Variants in ADAMTS2 observed in about 807,000 individuals in gnomAD.
ADAMTS2 encodes the protein ADAM metallopeptidase with thrombospondin type 1 motif 2.
A neutral mutation model predicts 123.0 loss-of-function variants in ADAMTS2; 50 were observed. That is an observed-to-expected ratio of 0.41 (90% confidence interval 0.32 to 0.51). ADAMTS2 has a LOEUF of 0.51. Among genes scored for constraint, ADAMTS2 ranks in the 20% least tolerant of loss-of-function variants. The pLI is 0.35. For missense variants in ADAMTS2, 1,494 were observed against 1,705.2 expected (o/e 0.88, Z 2.18); for synonymous variants, 678 against 695.4 (o/e 0.98, Z 0.39).
intron 2 of ADAMTS2, among the ~76,000 whole-genome samples, chr5:179,333,731 C>T (rs1757538771): frequency 6.6e-6 from 1 of 151,216 alleles, no homozygotes. Context: ...TCCCAAGTAG[C>T]TGGGACTACA....
intron 2 of ADAMTS2, 37 bp downstream of exon 2, chr5:179,343,730 C>T: frequency 1.3e-6 from 2 of 1,599,478 alleles, no homozygotes; most frequent in Non-Finnish European, 1.7e-6. Flanking sequence ...CAGGCGAGAG[C>T]AGCGGAGAGA....
At chr5:179,160,822 G>A (rs1400309886) in intron 5 of ADAMTS2, among the ~76,000 whole-genome samples, 1 of 152,210 alleles carries the variant, frequency 6.6e-6, no homozygotes, top group Non-Finnish European at 1.5e-5. Context: ...ACCAGGAAGA[G>A]CATGTGACTA....
intron 9 of ADAMTS2, 123 bp downstream of exon 9, chr5:179,153,368 C>A: frequency 6.8e-7 from 1 of 1,469,644 alleles, no homozygotes; most frequent in Non-Finnish European, 9.2e-7. Context: ...GGCTGCCACT[C>A]TGGAGGGCCG....
At chr5:179,261,672 G>A (rs905957832) in intron 3 of ADAMTS2, among the ~76,000 whole-genome samples, 2 of 152,322 alleles carry the variant, frequency 1.3e-5, no homozygotes, top group Admixed American at 6.5e-5. Context: ...AGCTGGTAGC[G>A]CTGCCTGCGG....
At chr5:179,295,843 CT>C (rs1377719882) in intron 2 of ADAMTS2, among the ~76,000 whole-genome samples, 3 of 152,334 alleles carry the variant, frequency 2.0e-5, no homozygotes, top group South Asian at 4.1e-4. Flanking sequence ...CTCAAAAGCC[CT>C]TCCATATTCC....
intron 5 of ADAMTS2, among the ~76,000 whole-genome samples, chr5:179,172,041 C>T (rs771500747): frequency 7.2e-5 from 11 of 152,164 alleles, no homozygotes; most frequent in Non-Finnish European, 1.3e-4. Context: ...TGGAAGCGTG[C>T]GTCCAGCTTC....
intron 3 of ADAMTS2, among the ~76,000 whole-genome samples, chr5:179,265,857 G>A (rs186733140): frequency 2.4e-4 from 37 of 152,354 alleles, no homozygotes; most frequent in Non-Finnish European, 4.4e-4. Flanking sequence ...CACAATCAGT[G>A]CTTCTCCCTG....
intron 9 of ADAMTS2, 71 bp from the exon 10 acceptor site, chr5:179,152,326 C>G (rs770450527): frequency 2.1e-5 from 31 of 1,453,170 alleles, no homozygotes; most frequent in Non-Finnish European, 2.8e-5. Context: ...CACCCACCCC[C>G]GGGTTCTGGA....
At chr5:179,133,566 G>A (rs779325832) in intron 13 of ADAMTS2, among the ~76,000 whole-genome samples, 2 of 150,174 alleles carry the variant, frequency 1.3e-5, no homozygotes, top group Non-Finnish European at 3.0e-5. Context: ...CACCGCGCCC[G>A]GCCAAGTTTT....
chr5:179,156,655 G>T (rs887632324), intron 6 of ADAMTS2, among the ~76,000 whole-genome samples: 1 of 152,190 alleles, frequency 6.6e-6, no homozygotes, highest in East Asian at 1.9e-4. Flanking sequence ...ACCGCGCCCC[G>T]TCTACCTTTC....
intron 5 of ADAMTS2, among the ~76,000 whole-genome samples, chr5:179,166,333 C>A (rs1440058584): frequency 6.6e-6 from 1 of 152,172 alleles, no homozygotes; most frequent in African/African-American, 2.4e-5. Flanking sequence ...GGTCTGAGGA[C>A]ATGCCTGAAA....
rs1018966136 is a variant in ADAMTS2 at position 179,111,040 on chromosome 5, T to G, written c.*2827A>C. On this transcript the variant is annotated 3_prime_UTR_variant, in exon 22 of 22. Transcript: ENST00000251582. The stretch of plus-strand genomic sequence containing the variant: ...AGGAGGGAGTGGAATCATAAACTGC[T>G]TCATCTGCTAAGATGTTGCTATTGA... 7 of 152,208 alleles carry G rather than the reference T, an allele frequency of 4.6e-5. No individual in the cohort carries two copies. Among genetic ancestry groups the G allele is most frequent in the Non-Finnish European group, 1.0e-4 (7 of 68,040 alleles). The allele number at this position is 152,208 out of a possible 1,614,324, so 9.4% of individuals were successfully genotyped here.
intron 3 of ADAMTS2, among the ~76,000 whole-genome samples, chr5:179,216,297 G>A (rs1230830474): frequency 1.3e-5 from 2 of 152,186 alleles, no homozygotes; most frequent in African/African-American, 2.4e-5. Context: ...TCTGTAGCCC[G>A]GGGACAAAAT....
chr5:179,325,557 C>A (rs549082365), intron 2 of ADAMTS2, among the ~76,000 whole-genome samples: 1 of 152,234 alleles, frequency 6.6e-6, no homozygotes, highest in Non-Finnish European at 1.5e-5. Context: ...CCTGGCCAGC[C>A]GAAGTCCTGC....
At position 179,207,675 on chromosome 5, in the gene ADAMTS2, C is replaced by T. The variant is rs762565474; in HGVS notation, c.729G>A (p.Leu243=). The change falls in exon 4 of 22, where the codon CTG becomes CTA. Residue 243 remains leucine, a synonymous_variant. Coordinates refer to ENST00000251582, the MANE Select transcript of ADAMTS2 (RefSeq NM_014244.5). ...TGTTGGCGTGCTCCTCTAGGACGCC[C>T]AGGGCGCGGCTGAGGCTGTCCAGGC... is the stretch of plus-strand genomic sequence containing the variant. ...LDSLDSLSRA[L]GVLEEHANSS... The T allele has an allele frequency of 8.7e-6, 14 of 1,613,122 alleles. No homozygotes were observed. Among genetic ancestry groups the T allele is most frequent in the African/African-American group, 1.3e-5 (1 of 74,932 alleles).
intron 3 of ADAMTS2, among the ~76,000 whole-genome samples, chr5:179,267,677 C>T (rs929788998): frequency 5.3e-5 from 8 of 152,148 alleles, no homozygotes; most frequent in African/African-American, 1.7e-4. Flanking sequence ...AATGGGGGAC[C>T]GTGTTTTGTT....
At chr5:179,244,040 G>A (rs1015417603) in intron 3 of ADAMTS2, among the ~76,000 whole-genome samples, 1 of 152,168 alleles carries the variant, frequency 6.6e-6, no homozygotes, top group African/African-American at 2.4e-5. Context: ...ACCATAAAGG[G>A]CATGAACATA....
chr5:179,327,649 G>A (rs1028780305), intron 2 of ADAMTS2, among the ~76,000 whole-genome samples: 1 of 152,166 alleles, frequency 6.6e-6, no homozygotes, highest in Non-Finnish European at 1.5e-5. Flanking sequence ...CCGTGCCACC[G>A]TGGGGAAATG....
chr5:179,274,591 TG>T (rs1179885980), intron 2 of ADAMTS2, among the ~76,000 whole-genome samples: 5 of 152,168 alleles, frequency 3.3e-5, no homozygotes, highest in South Asian at 4.1e-4. Context: ...ATCTTGGTTG[TG>T]GGGGGGCACG....
Sources: gnomAD v4.1 joint callset for allele counts (sites outside exome capture counted in the v4.1 genomes callset) on GRCh38, gnomAD v4.1.1 for gene constraint, MANE v1.5 for transcripts, NCBI Gene and HGNC (gene_info 2026-07-23, HGNC 2026-07-21) for gene names.